TARS3: variants seen among roughly 807,000 people sequenced by gnomAD.
TARS3 encodes threonine--tRNA ligase 2, cytoplasmic.
In TARS3, 94 loss-of-function variants were observed where a neutral mutation model predicts 103.5. That is an observed-to-expected ratio of 0.91 (90% CI 0.77 to 1.08). The LOEUF is 1.08. Ranked by LOEUF, TARS3 falls within the 50% of genes least tolerant of loss-of-function variation. The pLI is 0.00. For missense variants in TARS3, 952 were observed against 995.2 expected, an observed-to-expected ratio of 0.96 and a Z score of 0.58; for synonymous variants, 416 against 355.4, an observed-to-expected ratio of 1.17 and a Z score of -1.92.
Position 101,686,067 on chromosome 15 carries a change from A to G in TARS3, c.1321-5T>C, listed in dbSNP as rs1406596859. The G allele has an allele frequency of 6.3e-7, 1 of 1,597,370 alleles. No homozygotes were observed. Among genetic ancestry groups the G allele is most frequent in the Non-Finnish European group, 8.6e-7 (1 of 1,169,052 alleles). ...GTCCCGTTTGTGATATTCCTCCTTC[A>G]AGATACATGCATTCAACATTAAAAT... On this transcript the variant is annotated splice_region_variant and splice_polypyrimidine_tract_variant and intron_variant, in intron 10 of 18. Coordinates refer to ENST00000335968, the MANE Select transcript of TARS3 (RefSeq NM_152334.3).
intron 16 of TARS3, among the ~76,000 whole-genome samples, chr15:101,660,674 C>A (rs925207048): frequency 2.6e-5 from 4 of 152,194 alleles, no homozygotes; most frequent in African/African-American, 9.7e-5. Flanking sequence ...ATGGTACCAT[C>A]CCGGGGGATC....
intron 15 of TARS3, among the ~76,000 whole-genome samples, chr15:101,668,976 C>G (rs1466064191): frequency 6.6e-6 from 1 of 152,094 alleles, no homozygotes; most frequent in Non-Finnish European, 1.5e-5. Context: ...AAGGTGTATT[C>G]TTTCACTTAC....
chr15:101,653,808 CCT>C lies in TARS3; in HGVS notation c.*772_*773del, dbSNP rs1461970736. On this transcript the variant is annotated 3_prime_UTR_variant, in exon 19 of 19. Transcript: ENST00000335968. ...TTCAGTTCTGAGCACGTAGAGCATT[CCT>C]CTCTTTAAAATCTGAAATCCATTTC... 1 of 152,180 alleles carries C rather than the reference CCT, an allele frequency of 6.6e-6. No homozygotes were observed. Among genetic ancestry groups the C allele is most frequent in the Admixed American group, 6.5e-5 (1 of 15,278 alleles). 9.4% of individuals were successfully genotyped at this position (152,180 alleles called of 1,614,324 possible). A position where few individuals can be genotyped will look rare whatever the true frequency, so the allele number is the denominator to read the frequency against.
intron 15 of TARS3, among the ~76,000 whole-genome samples, chr15:101,667,620 G>C (rs1322239475): frequency 6.6e-6 from 1 of 152,144 alleles, no homozygotes; most frequent in East Asian, 1.9e-4. Context: ...GTCCAGGCTG[G>C]AGTGCAGTGG....
chr15:101,663,187 G>GA (rs905564940), intron 15 of TARS3, among the ~76,000 whole-genome samples: 6 of 152,056 alleles, frequency 3.9e-5, no homozygotes, highest in African/African-American at 1.2e-4. Flanking sequence ...TAAAGAAGCT[G>GA]AAAAAAATTT....
chr15:101,684,816 T>C (rs1898399208), intron 11 of TARS3, among the ~76,000 whole-genome samples: 1 of 152,198 alleles, frequency 6.6e-6, no homozygotes, highest in Non-Finnish European at 1.5e-5. Context: ...CATATCCCAT[T>C]GCCTCTAAGC....
At chr15:101,718,086 G>C (rs1386435231) in intron 3 of TARS3, among the ~76,000 whole-genome samples, 1 of 152,166 alleles carries the variant, frequency 6.6e-6, no homozygotes, top group South Asian at 2.1e-4. Context: ...GGGGAGAGTA[G>C]GGCTGGGCGT....
intron 3 of TARS3, 97 bp downstream of exon 3, chr15:101,721,029 G>C (rs2141460405): frequency 1.0e-6 from 1 of 999,792 alleles, no homozygotes; most frequent in African/African-American, 1.6e-5. Flanking sequence ...AGTATCGTGA[G>C]AATGGAGTAA....
At chr15:101,657,295 GGCAA>G (rs1287568381) in intron 17 of TARS3, among the ~76,000 whole-genome samples, 1 of 152,228 alleles carries the variant, frequency 6.6e-6, no homozygotes, top group Non-Finnish European at 1.5e-5. Context: ...AGGACATTCA[GGCAA>G]GCAAGCACCC....
At chr15:101,668,693 G>GTATATA (rs143632418) in intron 15 of TARS3, among the ~76,000 whole-genome samples, 4 of 151,818 alleles carry the variant, frequency 2.6e-5, no homozygotes, top group African/African-American at 7.3e-5. Context: ...AGCTGTGCCT[G>GTATATA]TATATATATA....
chr15:101,686,200 G>T, intron 10 of TARS3, 138 bp from the exon 11 acceptor site: 1 of 702,584 alleles, frequency 1.4e-6, no homozygotes, highest in Non-Finnish European at 2.3e-6. Context: ...TCAGTTTTAG[G>T]TGTGGTGGTT....
At chr15:101,688,705 G>C (rs1012255120) in intron 10 of TARS3, among the ~76,000 whole-genome samples, 1 of 152,166 alleles carries the variant, frequency 6.6e-6, no homozygotes, top group African/African-American at 2.4e-5. Flanking sequence ...AAATAGGAGA[G>C]AAGATGAATG....
intron 11 of TARS3, among the ~76,000 whole-genome samples, 176 bp downstream of exon 11, chr15:101,685,720 C>G (rs940854837): frequency 2.6e-5 from 4 of 152,134 alleles, no homozygotes; most frequent in Non-Finnish European, 4.4e-5. Context: ...TGCCAAAGAT[C>G]AAATATATTT....
chr15:101,702,455 A>C lies in TARS3; in HGVS notation c.1075-70T>G, dbSNP rs78555549. ...TGTAAGTAAAACTGCTCTTAAATACAAATGCAATTTTCCACTATCATATCA... is the reference window on the plus strand; with the variant it reads ...TGTAAGTAAAACTGCTCTTAAATACCAATGCAATTTTCCACTATCATATCA... On this transcript the variant is annotated intron_variant, in intron 8 of 18. Coordinates refer to ENST00000335968, the MANE Select transcript of TARS3 (RefSeq NM_152334.3). 8.6e-3 allele frequency: 11,413 copies of C among 1,326,196 alleles called. 112 individuals carry two copies. The highest frequency in any genetic ancestry group is 0.043 in the African/African-American group (2,984 of 68,772). 82.2% of individuals were successfully genotyped at this position (1,326,196 alleles called of 1,614,324 possible). A position where few individuals can be genotyped will look rare whatever the true frequency, so the allele number is the denominator to read the frequency against.
chr15:101,654,991 C>A (rs764729246), intron 18 of TARS3, among the ~76,000 whole-genome samples: 36 of 152,152 alleles, frequency 2.4e-4, no homozygotes, highest in Non-Finnish European at 4.4e-4. Flanking sequence ...TACAGACTCA[C>A]ACTGACTGCA....
chr15:101,714,965 TAAG>T lies in TARS3; in HGVS notation c.567-5_567-3del, dbSNP rs750200682. ...ACCGTGCTTTCAGCCAGTTCCTGAC[TAAG>T]AAGACAAAAGCCACTTGGGAGTTAA... On this transcript the variant is annotated splice_polypyrimidine_tract_variant and splice_region_variant and intron_variant, in intron 3 of 18. Coordinates refer to ENST00000335968, the MANE Select transcript of TARS3 (RefSeq NM_152334.3). 21 of 1,605,712 alleles carry T rather than the reference TAAG, an allele frequency of 1.3e-5. No individual in the cohort carries two copies. In the African/African-American group the frequency reaches 1.9e-4, roughly 14 times the overall value.
chr15:101,716,796 C>A (rs1900178875), intron 3 of TARS3, among the ~76,000 whole-genome samples: 1 of 151,064 alleles, frequency 6.6e-6, no homozygotes, highest in South Asian at 2.1e-4. Context: ...ACAAGAGTAT[C>A]TTGTCTCTGA....
At chr15:101,702,110 T>C in intron 9 of TARS3, 129 bp downstream of exon 9, 3 of 1,025,178 alleles carry the variant, frequency 2.9e-6, no homozygotes, top group African/African-American at 1.6e-5. Context: ...AGCAGCGGAC[T>C]GTGAGTGCCA....
intron 15 of TARS3, among the ~76,000 whole-genome samples, chr15:101,662,047 A>G (rs1897402439): frequency 6.6e-6 from 1 of 152,192 alleles, no homozygotes; most frequent in South Asian, 2.1e-4. Context: ...AAGTAGAGAG[A>G]AGAGTATAAT....
Sources: gnomAD v4.1 joint callset for allele counts (sites outside exome capture counted in the v4.1 genomes callset) on GRCh38, gnomAD v4.1.1 for gene constraint, MANE v1.5 for transcripts, NCBI Gene and HGNC (gene_info 2026-07-23, HGNC 2026-07-21) for gene names.